The following MYCBP2 variants were observed in gnomAD, a reference collection of about 807,000 sequenced individuals.
MYCBP2 encodes E3 ubiquitin-protein ligase MYCBP2.
Under a neutral mutation model 525.3 loss-of-function variants are expected in MYCBP2, and 120 were observed. That is an observed-to-expected ratio of 0.23 (90% CI 0.20 to 0.27). The LOEUF is 0.27. Among genes scored for constraint, MYCBP2 ranks in the 10% least tolerant of loss-of-function variants. The probability of loss-of-function intolerance (pLI) is 1.00; values close to 1 mark genes in which losing one functional copy is unlikely to be tolerated. For missense variants in MYCBP2, 4,149 were observed against 5,657.1 expected, an observed-to-expected ratio of 0.73 and a Z score of 8.55; for synonymous variants, 1,894 against 1,955.8, an observed-to-expected ratio of 0.97 and a Z score of 0.83.
chr13:77,112,822 A>G (rs369449185), intron 55 of MYCBP2, among the ~76,000 whole-genome samples: 4 of 152,112 alleles, frequency 2.6e-5, no homozygotes, highest in African/African-American at 9.7e-5. Flanking sequence ...CAACTGAATT[A>G]CTCTCATTAG....
At position 77,249,610 on chromosome 13, in the gene MYCBP2, G is replaced by C. The variant is rs544218105; in HGVS notation, c.2381+1541C>G. ...GGGTGTTGCTATGCTGCTGAAGCTG[G>C]TTTCAAACTCCTGGCCTCAAGTGAT... On this transcript the variant is annotated intron_variant, in intron 15 of 82. Coordinates refer to ENST00000544440, the MANE Select transcript of MYCBP2 (RefSeq NM_015057.5). Among the ~76,000 whole-genome samples, 6 of 152,100 alleles carry C rather than the reference G, an allele frequency of 3.9e-5. No individual in the cohort carries two copies. The East Asian group carries it at 1.2e-3, about 29-fold the overall frequency.
At chr13:77,064,090 G>A (rs2039801587) in intron 73 of MYCBP2, among the ~76,000 whole-genome samples, 1 of 152,182 alleles carries the variant, frequency 6.6e-6, no homozygotes. Context: ...TACTATAAAT[G>A]TGTCATCTGA....
At chr13:77,134,474 C>T (rs2053418292) in intron 52 of MYCBP2, among the ~76,000 whole-genome samples, 1 of 151,916 alleles carries the variant, frequency 6.6e-6, no homozygotes, top group Admixed American at 6.6e-5. Context: ...GTGGAGGTTG[C>T]AGTGAGCCAA....
intron 27 of MYCBP2, 140 bp from the exon 28 acceptor site, chr13:77,191,953 C>G: frequency 2.5e-6 from 2 of 789,956 alleles, no homozygotes; most frequent in East Asian, 5.4e-5. Flanking sequence ...TAAAAACACT[C>G]TAAGAAGTCT....
At position 77,068,324 on chromosome 13, in the gene MYCBP2, A is replaced by C. The variant is rs140739745; in HGVS notation, c.12171+241T>G. On this transcript the variant is annotated intron_variant, in intron 70 of 82. Coordinates refer to ENST00000544440, the MANE Select transcript of MYCBP2 (RefSeq NM_015057.5). ...ATTATATATTTCATGGTAATATGGT[A>C]ATCAGTAGCCAGAATACTCTCTTAT... Among the ~76,000 whole-genome samples, 459 of 151,866 alleles carry C rather than the reference A, an allele frequency of 3.0e-3. 2 individuals carry two copies. Among genetic ancestry groups the C allele is most frequent in the African/African-American group, 0.01 (416 of 41,282 alleles).
chr13:77,263,161 C>G (rs879627126), intron 10 of MYCBP2, among the ~76,000 whole-genome samples: 1 of 151,880 alleles, frequency 6.6e-6, no homozygotes, highest in Admixed American at 6.6e-5. Flanking sequence ...ATTACTGATC[C>G]GTGTGTAAGG....
intron 23 of MYCBP2, among the ~76,000 whole-genome samples, chr13:77,207,949 C>T (rs1351059035): frequency 2.6e-5 from 4 of 151,920 alleles, no homozygotes; most frequent in African/African-American, 9.7e-5. Flanking sequence ...TGCCCATCCC[C>T]CCACCAAGCC....
rs377565885 is a variant in MYCBP2 at position 77,260,484 on chromosome 13, G to C, written c.1961C>G (p.Ser654Cys). 1.9e-6 allele frequency: 3 copies of C among 1,609,630 alleles called. No homozygotes were observed. The African/African-American group carries it at 4.0e-5, about 22-fold the overall frequency. The change falls in exon 13 of 83, where the codon TCT (serine) becomes TGT (cysteine). Residue 654 changes from serine to cysteine, a missense_variant. Physicochemically the swap from Ser to Cys is moderately radical, Grantham distance 112. This residue lies in a region of MYCBP2 where 262 missense variants were observed against 419.3 expected (regional missense o/e 0.62). Transcript: ENST00000544440. ...ACNNGSSSVI[S>C]KDGELYMFGK... Reference sequence around the variant, plus strand: ...AAACATGTAGAGTTCTCCATCTTTAGAAATAACAGAACTACTTCCATTATT... The same window carrying C: ...AAACATGTAGAGTTCTCCATCTTTACAAATAACAGAACTACTTCCATTATT...
chr13:77,187,263 T>A (rs1443479970), intron 30 of MYCBP2, among the ~76,000 whole-genome samples: 1 of 152,112 alleles, frequency 6.6e-6, no homozygotes, highest in African/African-American at 2.4e-5. Flanking sequence ...GAGTCAAAGA[T>A]CCTTATTTGA....
intron 8 of MYCBP2, among the ~76,000 whole-genome samples, chr13:77,265,766 T>A (rs574095476): frequency 6.6e-6 from 1 of 152,240 alleles, no homozygotes; most frequent in East Asian, 1.9e-4. Context: ...ACAAGAAAAT[T>A]ACAAAAGGCT....
intron 21 of MYCBP2, among the ~76,000 whole-genome samples, chr13:77,214,663 C>T (rs754956335): frequency 6.6e-6 from 1 of 152,030 alleles, no homozygotes; most frequent in Non-Finnish European, 1.5e-5. Context: ...TGTGATGCTG[C>T]GAACATCAGA....
intron 7 of MYCBP2, among the ~76,000 whole-genome samples, chr13:77,269,771 A>G (rs576668695): frequency 6.6e-6 from 1 of 152,330 alleles, no homozygotes; most frequent in East Asian, 1.9e-4. Flanking sequence ...TGAGTTGTCC[A>G]GTCATACAGC....
intron 15 of MYCBP2, among the ~76,000 whole-genome samples, chr13:77,246,908 A>G (rs2070130421): frequency 6.6e-6 from 1 of 152,230 alleles, no homozygotes; most frequent in South Asian, 2.1e-4. Context: ...AGCATTTGAC[A>G]AAATTCAATG....
chr13:77,262,216 T>G, intron 10 of MYCBP2, 87 bp from the exon 11 acceptor site: 5 of 1,092,584 alleles, frequency 4.6e-6, no homozygotes, highest in Non-Finnish European at 6.6e-6. Flanking sequence ...GATTGCAATG[T>G]CAATTCAAAA....
intron 17 of MYCBP2, among the ~76,000 whole-genome samples, chr13:77,238,333 T>C (rs1320788980): frequency 6.8e-6 from 1 of 147,144 alleles, no homozygotes; most frequent in African/African-American, 2.5e-5. Context: ...GTTTAGCCCA[T>C]CTACAGCTCA....
At chr13:77,148,326 C>G (rs1350854883) in intron 47 of MYCBP2, among the ~76,000 whole-genome samples, 2 of 151,832 alleles carry the variant, frequency 1.3e-5, no homozygotes, top group Non-Finnish European at 2.9e-5. Flanking sequence ...TTTCTCATTC[C>G]CTGATTTCTT....
intron 15 of MYCBP2, among the ~76,000 whole-genome samples, chr13:77,247,186 T>C (rs889457590): frequency 1.3e-5 from 2 of 152,110 alleles, no homozygotes; most frequent in South Asian, 2.1e-4. Flanking sequence ...TCACAGATAA[T>C]ACAATCTCAT....
At chr13:77,173,005 A>G (rs2059289860) in intron 37 of MYCBP2, among the ~76,000 whole-genome samples, 1 of 152,206 alleles carries the variant, frequency 6.6e-6, no homozygotes, top group Non-Finnish European at 1.5e-5. Flanking sequence ...CACAGGTAAC[A>G]TACTCAAAGC....
intron 18 of MYCBP2, 140 bp downstream of exon 18, chr13:77,233,016 A>T (rs1029824158): frequency 1.6e-6 from 1 of 606,158 alleles, no homozygotes; most frequent in Non-Finnish European, 2.9e-6. Context: ...TCACTTTCAG[A>T]ATGTTCTTTC....
Sources: gnomAD v4.1 joint callset for allele counts (sites outside exome capture counted in the v4.1 genomes callset) on GRCh38, gnomAD v4.1.1 for gene constraint, gnomAD v4.1.1 regional missense constraint, MANE v1.5 for transcripts, NCBI Gene and HGNC (gene_info 2026-07-23, HGNC 2026-07-21) for gene names.